The following EPHA3 variants were observed in gnomAD, a reference collection of about 807,000 sequenced individuals.
EPHA3 encodes EPH receptor A3.
EPHA3 carries 42 observed loss-of-function variants against 107.1 expected under a neutral mutation model. The ratio of observed to expected loss-of-function variants is 0.39; its 90% CI spans 0.31 to 0.51. The LOEUF (loss-of-function observed/expected upper bound fraction) is 0.51, where lower values mean the gene tolerates loss of function less well. EPHA3 is among the 20% of genes least tolerant of loss of function. The pLI, the probability that EPHA3 is intolerant of heterozygous loss-of-function variation, is 0.78. For missense variants in EPHA3, 1,183 were observed against 1,211.2 expected, an observed-to-expected ratio of 0.98 and a Z score of 0.35; for synonymous variants, 461 against 424.8, an observed-to-expected ratio of 1.09 and a Z score of -1.05.
chr3:89,209,942 A>T lies in EPHA3; in HGVS notation c.236A>T (p.Asn79Ile), dbSNP rs1262037812. The T allele has an allele frequency of 1.2e-6, 2 of 1,613,762 alleles. No individual in the cohort carries two copies. The highest frequency in any genetic ancestry group is 2.2e-5 in the East Asian group (1 of 44,880). Reference protein sequence around the residue: ...QVCNVMDHSQNNWLRTNWVPR... With the variant: ...QVCNVMDHSQINWLRTNWVPR... ...TGCAATGTCATGGACCACAGTCAAAACAATTGGCTGAGAACAAACTGGGTC... is the reference window on the plus strand; with the variant it reads ...TGCAATGTCATGGACCACAGTCAAATCAATTGGCTGAGAACAAACTGGGTC... The change falls in exon 3 of 17, where the codon AAC becomes ATC. Residue 79 changes from asparagine (N) to isoleucine (I), a missense_variant. Physicochemically the swap from Asn to Ile is moderately radical, Grantham distance 149. Transcript: ENST00000336596.
chr3:89,244,261 T>G (rs1704979088), intron 3 of EPHA3, among the ~76,000 whole-genome samples: 1 of 152,078 alleles, frequency 6.6e-6, no homozygotes, highest in Admixed American at 6.5e-5. Flanking sequence ...GAATATTAAT[T>G]TTTAGAAAAT....
chr3:89,214,981 A>G (rs1704190105), intron 3 of EPHA3, among the ~76,000 whole-genome samples: 1 of 151,972 alleles, frequency 6.6e-6, no homozygotes, highest in African/African-American at 2.4e-5. Flanking sequence ...CATTCCTTCT[A>G]TAAAAGACGA....
chr3:89,239,539 A>T (rs1417973951), intron 3 of EPHA3, among the ~76,000 whole-genome samples: 1 of 152,216 alleles, frequency 6.6e-6, no homozygotes, highest in Non-Finnish European at 1.5e-5. Flanking sequence ...ATATTTTAAC[A>T]TGACAATAAA....
At chr3:89,148,004 G>T (rs956226033) in intron 2 of EPHA3, among the ~76,000 whole-genome samples, 1 of 151,714 alleles carries the variant, frequency 6.6e-6, no homozygotes, top group African/African-American at 2.4e-5. Context: ...CCATGAGAAA[G>T]AAAAAGGCAT....
chr3:89,209,721 G>T lies in EPHA3; in HGVS notation c.154-139G>T, dbSNP rs1308517806. On this transcript the variant is annotated intron_variant, in intron 2 of 16. Transcript: ENST00000336596. Reference sequence around the variant, plus strand: ...TATGTCCATTAACTCAGAGAACCTTGCAAATAAAAACTACAAACAAGAATG... The same window carrying T: ...TATGTCCATTAACTCAGAGAACCTTTCAAATAAAAACTACAAACAAGAATG... 11 of 689,252 alleles carry T rather than the reference G, an allele frequency of 1.6e-5. No individual in the cohort carries two copies. In the Admixed American group the frequency reaches 3.6e-4, roughly 22 times the overall value. 42.7% of individuals were successfully genotyped at this position (689,252 alleles called of 1,614,324 possible).
chr3:89,289,315 A>G (rs1453723303), intron 3 of EPHA3, among the ~76,000 whole-genome samples: 1 of 152,150 alleles, frequency 6.6e-6, no homozygotes, highest in Non-Finnish European at 1.5e-5. Flanking sequence ...ACAGTACAGG[A>G]TGCTCATTAA....
At chr3:89,189,704 CCT>C (rs1705657228) in intron 2 of EPHA3, among the ~76,000 whole-genome samples, 1 of 152,138 alleles carries the variant, frequency 6.6e-6, no homozygotes, top group East Asian at 1.9e-4. Context: ...GTATTGCTCC[CCT>C]GACAAATTCT....
At chr3:89,385,551 T>G (rs1335061727) in intron 5 of EPHA3, among the ~76,000 whole-genome samples, 1 of 152,208 alleles carries the variant, frequency 6.6e-6, no homozygotes, top group African/African-American at 2.4e-5. Context: ...GCCTCCCTAG[T>G]CCTGAAGAAC....
At chr3:89,217,031 C>A (rs1012279091) in intron 3 of EPHA3, among the ~76,000 whole-genome samples, 4 of 152,076 alleles carry the variant, frequency 2.6e-5, no homozygotes, top group African/African-American at 9.7e-5. Context: ...TCATTGAACA[C>A]TTTCCACCTT....
intron 12 of EPHA3, among the ~76,000 whole-genome samples, chr3:89,429,402 T>C (rs992863957): frequency 6.6e-6 from 1 of 152,138 alleles, no homozygotes; most frequent in African/African-American, 2.4e-5. Flanking sequence ...AAGACTCTTT[T>C]TATACTGCCA....
intron 9 of EPHA3, among the ~76,000 whole-genome samples, chr3:89,411,375 A>G (rs1258310825): frequency 2.6e-5 from 4 of 151,840 alleles, no homozygotes; most frequent in African/African-American, 9.7e-5. Context: ...CAAGCTGGAT[A>G]GCAGCTGCTC....
At chr3:89,336,460 G>T (rs1438597561) in intron 3 of EPHA3, among the ~76,000 whole-genome samples, 1 of 152,132 alleles carries the variant, frequency 6.6e-6, no homozygotes, top group Non-Finnish European at 1.5e-5. Flanking sequence ...AAGGGAGAGA[G>T]ATTGCTTATT....
In EPHA3 at chr3:89,402,937, A is replaced by G. The variant is rs1708994441; in HGVS notation, c.1594+3457A>G. 2.6e-5 allele frequency among the ~76,000 whole-genome samples: 4 copies of G among 152,208 alleles called. No homozygotes were observed. In the South Asian group the frequency reaches 8.3e-4, roughly 32 times the overall value. ...AAGTAATCCGACTGCCTTGGCCTTCAAAAGTGCTGGGATTACAGGTGTGAG... is the reference window on the plus strand; with the variant it reads ...AAGTAATCCGACTGCCTTGGCCTTCGAAAGTGCTGGGATTACAGGTGTGAG... On this transcript the variant is annotated intron_variant, in intron 7 of 16. Transcript: ENST00000336596.
intron 1 of EPHA3, among the ~76,000 whole-genome samples, chr3:89,113,344 T>G (rs940837545): frequency 6.6e-6 from 1 of 151,914 alleles, no homozygotes; most frequent in African/African-American, 2.4e-5. Context: ...TGTGGATACA[T>G]GTGCGCCACT....
At chr3:89,176,454 G>A (rs931706917) in intron 2 of EPHA3, among the ~76,000 whole-genome samples, 5 of 141,786 alleles carry the variant, frequency 3.5e-5, no homozygotes, top group East Asian at 4.1e-4. Context: ...CCAAGGTTGC[G>A]CCACTCTACT....
intron 7 of EPHA3, 166 bp downstream of exon 7, chr3:89,399,646 G>T: frequency 7.7e-7 from 1 of 1,292,914 alleles, no homozygotes; most frequent in Non-Finnish European, 9.8e-7. Flanking sequence ...TACAGTATTT[G>T]TGTTTGTGTG....
chr3:89,384,995 C>T (rs1347493030), intron 5 of EPHA3, among the ~76,000 whole-genome samples: 1 of 151,950 alleles, frequency 6.6e-6, no homozygotes, highest in Non-Finnish European at 1.5e-5. Flanking sequence ...GTAGAACATC[C>T]CAGCAATCCA....
chr3:89,257,997 C>T (rs999608979), intron 3 of EPHA3, among the ~76,000 whole-genome samples: 78 of 152,158 alleles, frequency 5.1e-4, no homozygotes, highest in African/African-American at 1.8e-3. Context: ...TCTTTAAAAG[C>T]GAAAGATTTA....
chr3:89,367,753 T>G (rs1397833409), intron 5 of EPHA3, among the ~76,000 whole-genome samples: 2 of 150,478 alleles, frequency 1.3e-5, no homozygotes, highest in Non-Finnish European at 3.0e-5. Flanking sequence ...ACAATTATTC[T>G]ATATGCATGT....
Sources: gnomAD v4.1 joint callset for allele counts (sites outside exome capture counted in the v4.1 genomes callset) on GRCh38, gnomAD v4.1.1 for gene constraint, MANE v1.5 for transcripts, NCBI Gene and HGNC (gene_info 2026-07-23, HGNC 2026-07-21) for gene names.